ARK2C: variants seen among roughly 807,000 people sequenced by gnomAD.
ARK2C encodes the protein arkadia (RNF111) C-terminal like ring finger ubiquitin ligase 2C.
At chr18:46,435,607 G>T in the ARK2C span, among the ~76,000 whole-genome samples, 1 of 152,206 alleles carries the variant, frequency 6.6e-6, no homozygotes, top group Non-Finnish European at 1.5e-5. Context: ...ATATTACTGG[G>T]TGCTATTATA....
the ARK2C span, chr18:46,334,928 CT>C: frequency 6.4e-6 from 1 of 157,434 alleles, no homozygotes; most frequent in Non-Finnish European, 1.4e-5. This position sits in a 1 kb window ranked among gnomAD's most constrained non-coding sequence, Gnocchi z 4.4. Context: ...CCATCCCATC[CT>C]TTTTTCGTCT....
chr18:46,399,899 A>C, the ARK2C span, among the ~76,000 whole-genome samples: 1 of 152,186 alleles, frequency 6.6e-6, no homozygotes, highest in East Asian at 1.9e-4. Context: ...CCCACATGGC[A>C]GGTGGCTTTT....
chr18:46,349,726 C>T, the ARK2C span, among the ~76,000 whole-genome samples: 1 of 152,110 alleles, frequency 6.6e-6, no homozygotes, highest in Non-Finnish European at 1.5e-5. Context: ...CATTTTTGAC[C>T]TTGTCCAGAT....
At chr18:46,339,855 C>T in the ARK2C span, among the ~76,000 whole-genome samples, 3 of 152,264 alleles carry the variant, frequency 2.0e-5, no homozygotes, top group Non-Finnish European at 4.4e-5. Context: ...CACTCATCTT[C>T]CTTTTGCAGT....
At chr18:46,377,178 T>G in the ARK2C span, among the ~76,000 whole-genome samples, 1 of 152,212 alleles carries the variant, frequency 6.6e-6, no homozygotes, top group African/African-American at 2.4e-5. Context: ...ATGAAATATC[T>G]GAAAAAGGTA....
the ARK2C span, among the ~76,000 whole-genome samples, chr18:46,358,252 TG>T: frequency 1.3e-5 from 2 of 152,054 alleles, no homozygotes; most frequent in Non-Finnish European, 2.9e-5. Context: ...TTGCGCAGGC[TG>T]GGGTGGACAG....
chr18:46,393,344 T>C, the ARK2C span, among the ~76,000 whole-genome samples: 4 of 152,226 alleles, frequency 2.6e-5, no homozygotes, highest in Admixed American at 2.0e-4. Context: ...GTGGGGTGCA[T>C]CTGGCCAGGC....
the ARK2C span, chr18:46,461,735 G>C: frequency 6.6e-6 from 1 of 151,946 alleles, no homozygotes; most frequent in Non-Finnish European, 1.5e-5. Context: ...AATAGAGAGA[G>C]TGAGCTGAGA....
the ARK2C span, among the ~76,000 whole-genome samples, chr18:46,343,667 CT>C: frequency 6.6e-6 from 1 of 152,250 alleles, no homozygotes; most frequent in Admixed American, 6.5e-5. Context: ...TGGATTGCCC[CT>C]GCCTGCTCTA....
chr18:46,366,420 A>AAGCCC, the ARK2C span, among the ~76,000 whole-genome samples: 1 of 152,084 alleles, frequency 6.6e-6, no homozygotes, highest in East Asian at 1.9e-4. Context: ...CCTTCTCCGC[A>AAGCCC]AGCCCAGCCC....
chr18:46,336,125 A>G, the ARK2C span: 1 of 985,370 alleles, frequency 1.0e-6, no homozygotes. Context: ...CCCTCTCTCA[A>G]TACACAATTA....
chr18:46,427,383 AG>A, the ARK2C span, among the ~76,000 whole-genome samples: 1 of 152,142 alleles, frequency 6.6e-6, no homozygotes, highest in Non-Finnish European at 1.5e-5. Flanking sequence ...CCTCCTAATG[AG>A]GCTCCAGAGA....
the ARK2C span, among the ~76,000 whole-genome samples, chr18:46,371,608 C>G: frequency 1.3e-5 from 2 of 152,228 alleles, no homozygotes; most frequent in Admixed American, 1.3e-4. Context: ...ACCTGGGCAC[C>G]TGGTACCCAG....
At chr18:46,416,548 A>T in the ARK2C span, among the ~76,000 whole-genome samples, 1 of 152,220 alleles carries the variant, frequency 6.6e-6, no homozygotes, top group African/African-American at 2.4e-5. Context: ...CGACAACGCC[A>T]TTTGTATCAG....
chr18:46,447,230 A>G, the ARK2C span, among the ~76,000 whole-genome samples: 115,864 of 152,050 alleles, frequency 0.76, 45,102 homozygotes, highest in African/African-American at 0.82. Flanking sequence ...TCCATTACTC[A>G]GTGCCTCTGG....
the ARK2C span, among the ~76,000 whole-genome samples, chr18:46,346,193 G>C: frequency 6.6e-6 from 1 of 152,190 alleles, no homozygotes; most frequent in East Asian, 1.9e-4. Context: ...AGGAACCAGA[G>C]CCTGAGAGGG....
the ARK2C span, among the ~76,000 whole-genome samples, chr18:46,411,586 A>T: frequency 1.3e-5 from 2 of 152,142 alleles, no homozygotes; most frequent in Non-Finnish European, 2.9e-5. Context: ...CACGGAGTTG[A>T]TATTCTATAT....
At chr18:46,433,491 G>A in the ARK2C span, 1 of 1,607,886 alleles carries the variant, frequency 6.2e-7, no homozygotes, top group Non-Finnish European at 8.5e-7. Context: ...ACCGCAGGCT[G>A]GTCTCGCACC....
chr18:46,342,005 G>A, the ARK2C span, among the ~76,000 whole-genome samples: 2 of 152,212 alleles, frequency 1.3e-5, no homozygotes, highest in African/African-American at 2.4e-5. Context: ...GCAGGGAGTA[G>A]GGACTGAGGA....
Sources: allele counts gnomAD v4.1 joint callset (sites outside exome capture counted in the v4.1 genomes callset), GRCh38; gene constraint gnomAD v4.1.1; non-coding constraint Gnocchi (gnomAD v3.1); transcripts MANE v1.5; gene names NCBI Gene and HGNC (gene_info 2026-07-23, HGNC 2026-07-21).